CTIF: variants seen among roughly 807,000 people sequenced by gnomAD.
The protein encoded by CTIF is cap binding complex dependent translation initiation factor.
Under a neutral mutation model 66.0 loss-of-function variants are expected in CTIF, and 21 were observed. The ratio of observed to expected loss-of-function variants is 0.32; its 90% confidence interval spans 0.23 to 0.46. CTIF has a LOEUF of 0.46. Among genes scored for constraint, CTIF ranks in the 20% least tolerant of loss-of-function variants. CTIF has a pLI of 1.00. For missense variants in CTIF, 739 were observed against 812.7 expected (o/e 0.91, Z 1.10); for synonymous variants, 345 against 326.4 (o/e 1.06, Z -0.62).
At chr18:48,539,658 CTCGCTT>C (rs1244788310) in intron 1 of CTIF, 4 of 152,724 alleles carry the variant, frequency 2.6e-5, no homozygotes, top group African/African-American at 9.6e-5. Context: ...TGGAGCCCGG[CTCGCTT>C]TGGAGCTGCG....
At chr18:48,664,348 G>T in intron 4 of CTIF, 99 bp from the exon 5 acceptor site, 1 of 1,082,910 alleles carries the variant, frequency 9.2e-7, no homozygotes. Context: ...GCTCCTTTCT[G>T]CGGATCTGCT....
intron 3 of CTIF, among the ~76,000 whole-genome samples, chr18:48,640,543 C>T (rs1015585654): frequency 1.3e-5 from 2 of 152,336 alleles, no homozygotes; most frequent in South Asian, 4.1e-4. Flanking sequence ...CATTTTCACC[C>T]GTGGGGACAA....
chr18:48,711,395 C>A (rs982743584), intron 6 of CTIF, among the ~76,000 whole-genome samples: 2 of 152,200 alleles, frequency 1.3e-5, no homozygotes, highest in Non-Finnish European at 2.9e-5. Context: ...CTCATTGTCC[C>A]TACTGTTCTT....
At chr18:48,749,183 C>T (rs900249) in intron 7 of CTIF, among the ~76,000 whole-genome samples, 5,684 of 152,192 alleles carry the variant, frequency 0.037, 317 homozygotes, top group African/African-American at 0.12. Context: ...GGGAGAGCAA[C>T]TTCCAGGTCA....
intron 10 of CTIF, among the ~76,000 whole-genome samples, chr18:48,853,699 G>C (rs540308504): frequency 6.6e-6 from 1 of 152,352 alleles, no homozygotes; most frequent in Admixed American, 6.5e-5. Context: ...TACGGCCCTG[G>C]AGCCTGCACC....
intron 1 of CTIF, among the ~76,000 whole-genome samples, chr18:48,602,850 A>AATGG (rs60224766): frequency 0.25 from 35,471 of 142,464 alleles, 4,348 homozygotes; most frequent in African/African-American, 0.27. Context: ...TGGATGGATG[A>AATGG]ATGGATGGAT....
chr18:48,824,691 G>T (rs1017710347), intron 10 of CTIF, among the ~76,000 whole-genome samples: 2 of 151,674 alleles, frequency 1.3e-5, no homozygotes, highest in African/African-American at 4.9e-5. Context: ...AGGCTGGAGT[G>T]CAGTGGTGCA....
At chr18:48,764,232 C>G (rs761782375) in intron 9 of CTIF, among the ~76,000 whole-genome samples, 3 of 152,232 alleles carry the variant, frequency 2.0e-5, no homozygotes, top group Non-Finnish European at 4.4e-5. Flanking sequence ...TTCAGTCACC[C>G]TCCTAGTATT....
chr18:48,662,775 G>A (rs1173244659), intron 3 of CTIF: 1 of 151,950 alleles, frequency 6.6e-6, no homozygotes, highest in African/African-American at 2.4e-5. Context: ...TTTTGCATCT[G>A]GGTTCTTTTG....
intron 2 of CTIF, among the ~76,000 whole-genome samples, chr18:48,629,702 G>T (rs1268768658): frequency 6.6e-6 from 1 of 151,368 alleles, no homozygotes; most frequent in East Asian, 1.9e-4. Flanking sequence ...TTTAATATCA[G>T]TCATTTTTCC....
intron 1 of CTIF, among the ~76,000 whole-genome samples, chr18:48,598,484 A>G (rs1461449733): frequency 6.6e-6 from 1 of 152,130 alleles, no homozygotes; most frequent in Non-Finnish European, 1.5e-5. Flanking sequence ...ACAGACTCAG[A>G]ATATATGCAG....
At position 48,823,976 on chromosome 18, in the gene CTIF, C is replaced by CACACA. The variant is rs2068532607; in HGVS notation, c.1527+6600_1527+6601insACACA. 6.4e-5 allele frequency among the ~76,000 whole-genome samples: 8 copies of CACACA among 124,104 alleles called. No homozygotes were observed. In the Admixed American group the frequency reaches 7.0e-4, roughly 11 times the overall value. The allele number at this position is 124,104 out of a possible 152,430, so 81.4% of individuals were successfully genotyped here. On this transcript the variant is annotated intron_variant, in intron 10 of 11. Coordinates refer to ENST00000256413, the MANE Select transcript of CTIF (RefSeq NM_014772.3). ...TTATATATAGAAAATCCTAAAGACT[C>CACACA]CACACACACACACACACACACACAC...
intron 1 of CTIF, among the ~76,000 whole-genome samples, chr18:48,541,455 G>A (rs1390853968): frequency 1.3e-5 from 2 of 152,218 alleles, no homozygotes; most frequent in Admixed American, 1.3e-4. Flanking sequence ...CCGGCTGTCC[G>A]TTCCCAGTTC....
intron 10 of CTIF, among the ~76,000 whole-genome samples, chr18:48,828,986 G>A (rs1354982383): frequency 6.6e-6 from 1 of 152,200 alleles, no homozygotes; most frequent in Non-Finnish European, 1.5e-5. Flanking sequence ...TTCTGACTGG[G>A]TAATTAATGT....
rs372502019 is a variant in CTIF at position 48,542,297 on chromosome 18, CACTT to C, written c.-29+2988_-29+2991del. On this transcript the variant is annotated intron_variant, in intron 1 of 11. Transcript: ENST00000256413. ...GTATATGGTATGCCTGTTCATGTAACACTTACCTGTGTTTGTATGGCTGTGTTCA... is the reference window on the plus strand; with the variant it reads ...GTATATGGTATGCCTGTTCATGTAACACCTGTGTTTGTATGGCTGTGTTCA... 6.6e-4 allele frequency among the ~76,000 whole-genome samples: 101 copies of C among 152,334 alleles called. 5 individuals are homozygous for C. The South Asian group carries it at 0.019, about 29-fold the overall frequency.
intron 2 of CTIF, among the ~76,000 whole-genome samples, chr18:48,631,299 A>G (rs1003375758): frequency 8.5e-5 from 13 of 152,178 alleles, no homozygotes; most frequent in African/African-American, 3.1e-4. Flanking sequence ...CCCTGTCTCT[A>G]CTAAAAATAC....
At chr18:48,853,526 CTCA>C (rs1411202503) in intron 10 of CTIF, among the ~76,000 whole-genome samples, 1 of 152,320 alleles carries the variant, frequency 6.6e-6, no homozygotes, top group East Asian at 1.9e-4. Flanking sequence ...TCTCCACCTG[CTCA>C]TCATTTGAGC....
At chr18:48,555,603 T>C (rs2088998974) in intron 1 of CTIF, among the ~76,000 whole-genome samples, 1 of 152,234 alleles carries the variant, frequency 6.6e-6, no homozygotes, top group Non-Finnish European at 1.5e-5. Flanking sequence ...TCCTGTGTCT[T>C]AGCACTGCCA....
At chr18:48,795,670 C>T (rs1366390015) in intron 9 of CTIF, among the ~76,000 whole-genome samples, 2 of 152,240 alleles carry the variant, frequency 1.3e-5, no homozygotes, top group East Asian at 1.9e-4. Context: ...GTCCTCCTTC[C>T]TCTGGTTCCC....
Sources: allele counts gnomAD v4.1 joint callset (sites outside exome capture counted in the v4.1 genomes callset), GRCh38; gene constraint gnomAD v4.1.1; transcripts MANE v1.5; gene names NCBI Gene and HGNC (gene_info 2026-07-23, HGNC 2026-07-21).